NR2F1-AS1: variants seen among roughly 807,000 people sequenced by gnomAD.
NR2F1-AS1 encodes the protein NR2F1 regulatory antisense RNA 1.
intron 4 of NR2F1-AS1, among the ~76,000 whole-genome samples, chr5:93,523,887 G>C (rs1418822556): frequency 1.3e-5 from 2 of 152,032 alleles, no homozygotes; most frequent in African/African-American, 4.8e-5. Context: ...ATAAATCCAT[G>C]AAAATAAGGA....
chr5:93,415,159 G>A (rs1448173112), intron 4 of NR2F1-AS1, among the ~76,000 whole-genome samples: 1 of 152,154 alleles, frequency 6.6e-6, no homozygotes, highest in Non-Finnish European at 1.5e-5. Context: ...CAAGAATATA[G>A]GTTAGGTTGC....
intron 4 of NR2F1-AS1, among the ~76,000 whole-genome samples, chr5:93,504,630 G>A (rs1412658800): frequency 6.6e-6 from 1 of 151,920 alleles, no homozygotes; most frequent in East Asian, 1.9e-4. Flanking sequence ...ATCACGGTGG[G>A]AGGCAAAAGG....
At chr5:93,527,912 A>G (rs1580305109) in intron 4 of NR2F1-AS1, among the ~76,000 whole-genome samples, 2 of 152,356 alleles carry the variant, frequency 1.3e-5, no homozygotes, top group Non-Finnish European at 2.9e-5. Context: ...AAACCTAGGC[A>G]ATACCACTCA....
intron 4 of NR2F1-AS1, among the ~76,000 whole-genome samples, chr5:93,417,521 A>C (rs2149840879): frequency 6.6e-6 from 1 of 152,240 alleles, no homozygotes; most frequent in East Asian, 1.9e-4. Flanking sequence ...TCATCAATTA[A>C]AGAAAATTAA....
intron 4 of NR2F1-AS1, among the ~76,000 whole-genome samples, chr5:93,467,581 C>A (rs1750266714): frequency 6.6e-6 from 1 of 152,202 alleles, no homozygotes; most frequent in African/African-American, 2.4e-5. Flanking sequence ...TCTACTATTT[C>A]AGTTTCCTCA....
At chr5:93,571,369 TG>T (rs1333126078) in intron 1 of NR2F1-AS1, 3 of 150,862 alleles carry the variant, frequency 2.0e-5, no homozygotes, top group Admixed American at 2.0e-4. Context: ...CGGCTAGGGA[TG>T]CGGAGGGGTC....
At chr5:93,512,110 C>A (rs1201997661) in intron 4 of NR2F1-AS1, among the ~76,000 whole-genome samples, 1 of 152,156 alleles carries the variant, frequency 6.6e-6, no homozygotes, top group African/African-American at 2.4e-5. Flanking sequence ...CAAAAGAAGG[C>A]ATTATTATCA....
intron 4 of NR2F1-AS1, among the ~76,000 whole-genome samples, chr5:93,502,430 T>A (rs1017470961): frequency 2.0e-5 from 3 of 152,124 alleles, no homozygotes; most frequent in African/African-American, 7.2e-5. Context: ...TACAAGAGTA[T>A]ATGCAGACAG....
chr5:93,487,054 C>A (rs1163628597), intron 4 of NR2F1-AS1, among the ~76,000 whole-genome samples: 1 of 152,012 alleles, frequency 6.6e-6, no homozygotes, highest in South Asian at 2.1e-4. Flanking sequence ...CACCCCTTCA[C>A]GCTAAAAAGT....
intron 2 of NR2F1-AS1, among the ~76,000 whole-genome samples, chr5:93,560,177 T>C (rs1752454772): frequency 6.6e-6 from 1 of 152,224 alleles, no homozygotes; most frequent in Non-Finnish European, 1.5e-5. Flanking sequence ...GCTTAACAGA[T>C]ATTAATAATA....
chr5:93,417,737 G>A (rs1354958833), intron 4 of NR2F1-AS1, among the ~76,000 whole-genome samples: 1 of 152,168 alleles, frequency 6.6e-6, no homozygotes, highest in Admixed American at 6.5e-5. Context: ...TGCTGCACTT[G>A]TTTCTGATGC....
intron 4 of NR2F1-AS1, among the ~76,000 whole-genome samples, chr5:93,431,780 G>T (rs1175958234): frequency 1.3e-5 from 2 of 152,150 alleles, no homozygotes; most frequent in Non-Finnish European, 2.9e-5. Context: ...CATGTTACCA[G>T]TGCTCTTCAC....
At chr5:93,585,537 C>T, upstream of NR2F1-AS1, 1 of 1,461,814 alleles carries the variant, frequency 6.8e-7, no homozygotes, top group Non-Finnish European at 9.5e-7. Context: ...GCCTCCCTGG[C>T]TCTTTCTTTC....
At position 93,414,574 on chromosome 5, in the gene NR2F1-AS1, T is replaced by A. The variant is rs190518239; in HGVS notation, n.639-19032A>T. ...GTATTAATGTGTCAGGGCTGAGTGT[T>A]CCAGGATTTCTCTAGAGGCTGGCAA... On this transcript the variant is annotated intron_variant and non_coding_transcript_variant, in intron 4 of 5. Transcript: ENST00000660523. 2.3e-3 allele frequency among the ~76,000 whole-genome samples: 357 copies of A among 152,206 alleles called. 1 individual carries two copies. The highest frequency in any genetic ancestry group is 8.3e-3 in the African/African-American group (343 of 41,544).
chr5:93,415,003 G>A (rs1044332615), intron 4 of NR2F1-AS1, among the ~76,000 whole-genome samples: 3 of 152,100 alleles, frequency 2.0e-5, no homozygotes, highest in African/African-American at 4.8e-5. Context: ...CCAATATCCA[G>A]GGGTAGCAGA....
At chr5:93,482,462 G>A (rs1171466312) in intron 4 of NR2F1-AS1, among the ~76,000 whole-genome samples, 1 of 152,132 alleles carries the variant, frequency 6.6e-6, no homozygotes. Context: ...CCACAGACCA[G>A]GAGATTCCCT....
intron 4 of NR2F1-AS1, among the ~76,000 whole-genome samples, chr5:93,467,661 G>A (rs1750268295): frequency 6.6e-6 from 1 of 152,068 alleles, no homozygotes; most frequent in African/African-American, 2.4e-5. Context: ...ACAATTTAAG[G>A]ATCAGCCAAC....
At chr5:93,545,259 G>C (rs1434759846) in intron 4 of NR2F1-AS1, among the ~76,000 whole-genome samples, 1 of 152,120 alleles carries the variant, frequency 6.6e-6, no homozygotes, top group Non-Finnish European at 1.5e-5. Context: ...ATCAATGAGG[G>C]TTTATACTTC....
At chr5:93,434,712 T>G (rs1294313026) in intron 4 of NR2F1-AS1, among the ~76,000 whole-genome samples, 1 of 152,248 alleles carries the variant, frequency 6.6e-6, no homozygotes, top group East Asian at 1.9e-4. Flanking sequence ...TATGGCAATT[T>G]TTGTTTTTCT....
Sources: gnomAD v4.1 joint callset for allele counts (sites outside exome capture counted in the v4.1 genomes callset) on GRCh38, gnomAD v4.1.1 for gene constraint, MANE v1.5 for transcripts, NCBI Gene and HGNC (gene_info 2026-07-23, HGNC 2026-07-21) for gene names.